The following LRRC17 variants were observed in gnomAD, a reference collection of about 807,000 sequenced individuals.
The protein encoded by LRRC17 is leucine rich repeat containing 17, also known as leucine-rich repeat-containing protein 17.
LRRC17 carries 33 observed loss-of-function variants against 41.5 expected under a neutral mutation model. The observed-to-expected ratio is 0.80, with a 90% confidence interval of 0.60 to 1.06. LRRC17 has a LOEUF of 1.06. Among genes scored for constraint, LRRC17 ranks in the 50% least tolerant of loss-of-function variants. The probability of loss-of-function intolerance (pLI) is 0.00; values close to 1 mark genes in which losing one functional copy is unlikely to be tolerated. For synonymous variants in LRRC17, 192 were observed against 197.0 expected (o/e 0.97, Z 0.21); for missense variants, 491 against 519.3 (o/e 0.95, Z 0.53).
At position 102,921,958 on chromosome 7, in the gene LRRC17, A is replaced by G. The variant is rs145253018; in HGVS notation, c.-141+8813A>G. On this transcript the variant is annotated intron_variant, in intron 1 of 3. Transcript: ENST00000339431. The stretch of plus-strand genomic sequence containing the variant: ...GTAATCCCAGCACTTTGGGAGGCCA[A>G]GGTGGGTGGATCACTTGAGGTCAAG... 3.7e-3 allele frequency among the ~76,000 whole-genome samples: 566 copies of G among 152,264 alleles called. 5 individuals carry two copies. The highest frequency in any genetic ancestry group is 0.013 in the African/African-American group (559 of 41,552).
chr7:102,931,256 A>G (rs562665165), intron 1 of LRRC17, among the ~76,000 whole-genome samples: 42 of 152,376 alleles, frequency 2.8e-4, no homozygotes, highest in Non-Finnish European at 5.4e-4. Flanking sequence ...GTGTGTACAC[A>G]GAAACTGAAA....
chr7:102,929,016 C>A (rs1334816157), intron 1 of LRRC17, among the ~76,000 whole-genome samples: 1 of 152,142 alleles, frequency 6.6e-6, no homozygotes, highest in African/African-American at 2.4e-5. Context: ...AAAGTACAAG[C>A]CACTGAGAAG....
rs1185837608 is a variant in LRRC17, at chr7:102,933,885, G to T, written c.-29G>T. ...ACTTTCATTGTTCCGTCTGTAACACGAAGTAATTGGGGCCAGCTGGATGTC... is the reference window on the plus strand; with the variant it reads ...ACTTTCATTGTTCCGTCTGTAACACTAAGTAATTGGGGCCAGCTGGATGTC... On this transcript the variant is annotated 5_prime_UTR_variant, in exon 2 of 4. Transcript: ENST00000339431. 2 of 1,563,524 alleles carry T rather than the reference G, an allele frequency of 1.3e-6. No homozygotes were observed. The highest frequency in any genetic ancestry group is 2.7e-5 in the African/African-American group (2 of 73,686).
At chr7:102,942,754 G>GT (rs1821719104) in intron 3 of LRRC17, among the ~76,000 whole-genome samples, 1 of 152,044 alleles carries the variant, frequency 6.6e-6, no homozygotes, top group South Asian at 2.1e-4. Flanking sequence ...GGAATTATGG[G>GT]TTTTTTCTGA....
At chr7:102,931,847 A>G (rs773217029) in intron 1 of LRRC17, 1 of 1,603,132 alleles carries the variant, frequency 6.2e-7, no homozygotes, top group Non-Finnish European at 8.5e-7. Flanking sequence ...GTCAATCTAT[A>G]TAAACAGCAG....
intron 1 of LRRC17, among the ~76,000 whole-genome samples, chr7:102,926,063 T>C (rs1168724252): frequency 2.6e-5 from 4 of 152,002 alleles, no homozygotes; most frequent in East Asian, 1.9e-4. Flanking sequence ...ACTGGGCACA[T>C]TGCTGTAAGA....
intron 2 of LRRC17, among the ~76,000 whole-genome samples, chr7:102,935,368 C>T (rs1186682375): frequency 6.6e-6 from 1 of 150,876 alleles, no homozygotes; most frequent in Non-Finnish European, 1.5e-5. Context: ...TCTCCTGCCT[C>T]AGCCTCTCGA....
Position 102,934,171 on chromosome 7 carries a change from G to A in LRRC17, c.258G>A (p.Met86Ile), listed in dbSNP as rs147093737. The change falls in exon 2 of 4, where the codon ATG becomes ATA. Residue 86 changes from methionine (M) to isoleucine (I), a missense_variant. Coordinates refer to ENST00000339431, the MANE Select transcript of LRRC17 (RefSeq NM_001031692.3). The part of the protein sequence containing the change: ...LPGWPQDLLH[M>I]LLARNKIRTL... ...GTTGGCCTCAGGATTTGCTGCACAT[G>A]CTGCTAGCAAGAAACAAGATCCGCA... The A allele has an allele frequency of 4.3e-4, 691 of 1,614,236 alleles. 5 individuals are homozygous for A. The African/African-American group carries it at 8.0e-3, about 19-fold the overall frequency.
chr7:102,926,380 T>A, intron 1 of LRRC17: 1 of 1,609,834 alleles, frequency 6.2e-7, no homozygotes, highest in Non-Finnish European at 8.5e-7. Flanking sequence ...TCATCCTGCA[T>A]GAAAAACAGA....
chr7:102,921,580 T>C (rs759509331), intron 1 of LRRC17, among the ~76,000 whole-genome samples: 2 of 151,914 alleles, frequency 1.3e-5, no homozygotes, highest in Non-Finnish European at 2.9e-5. Flanking sequence ...CTTGGGAGGC[T>C]GAGGCAGGAA....
In LRRC17 at chr7:102,934,312, C is replaced by G. The variant is rs1274411474; in HGVS notation, c.399C>G (p.Thr133=). 5 of 1,614,074 alleles carry G rather than the reference C, an allele frequency of 3.1e-6. No individual in the cohort carries two copies. Among genetic ancestry groups the G allele is most frequent in the Non-Finnish European group, 4.2e-6 (5 of 1,180,004 alleles). ...TCTTTGGTTTAAACAAACTCACCAC[C>G]CTCTTACTGCAGCACAACCAGATCA... ...EAFFGLNKLT[T]LLLQHNQIKV... Residue 133 remains threonine (T), a synonymous_variant, in exon 2 of 4, where the codon ACC becomes ACG. Coordinates refer to ENST00000339431, the MANE Select transcript of LRRC17 (RefSeq NM_001031692.3).
At chr7:102,913,951 C>T (rs1198178469) in intron 1 of LRRC17, among the ~76,000 whole-genome samples, 3 of 152,142 alleles carry the variant, frequency 2.0e-5, no homozygotes, top group Non-Finnish European at 2.9e-5. Flanking sequence ...ACCACAATGA[C>T]CAAAATGACA....
At chr7:102,941,949 C>A (rs1821543538) in intron 3 of LRRC17, among the ~76,000 whole-genome samples, 1 of 152,104 alleles carries the variant, frequency 6.6e-6, no homozygotes, top group Non-Finnish European at 1.5e-5. Flanking sequence ...TCACATGTTT[C>A]CCGTAACTGA....
intron 1 of LRRC17, among the ~76,000 whole-genome samples, chr7:102,922,106 C>G (rs1817152138): frequency 6.6e-6 from 1 of 151,834 alleles, no homozygotes; most frequent in African/African-American, 2.4e-5. Context: ...AGGAGACTTG[C>G]TTGAGCCCGC....
intron 1 of LRRC17, among the ~76,000 whole-genome samples, chr7:102,921,007 C>T (rs995549889): frequency 1.3e-5 from 2 of 151,852 alleles, no homozygotes; most frequent in African/African-American, 4.8e-5. Flanking sequence ...CAAATATTAG[C>T]CTGGCGTGGT....
At chr7:102,930,458 T>G (rs1023977480) in intron 1 of LRRC17, among the ~76,000 whole-genome samples, 1 of 152,162 alleles carries the variant, frequency 6.6e-6, no homozygotes, top group African/African-American at 2.4e-5. Context: ...GCCTAATGCC[T>G]CACCTTCTGA....
At chr7:102,913,252 T>A (rs775934779) in intron 1 of LRRC17, 107 bp downstream of exon 1, 1 of 1,610,420 alleles carries the variant, frequency 6.2e-7, no homozygotes, top group Admixed American at 1.7e-5. Context: ...AGTATTATAC[T>A]TCCGTTGTTC....
At chr7:102,914,229 T>C (rs571193078) in intron 1 of LRRC17, among the ~76,000 whole-genome samples, 2 of 152,260 alleles carry the variant, frequency 1.3e-5, no homozygotes, top group East Asian at 1.9e-4. Context: ...CGTGCCAACA[T>C]GTCCAGCTAA....
In LRRC17 at chr7:102,944,440, T is replaced by C. The variant is rs1270007613; in HGVS notation, c.1159T>C (p.Trp387Arg). The C allele has an allele frequency of 7.4e-6, 12 of 1,613,932 alleles. No individual in the cohort carries two copies. The highest frequency in any genetic ancestry group is 2.2e-5 in the East Asian group (1 of 44,878). The change falls in exon 4 of 4, where the codon TGG becomes CGG. Residue 387 changes from tryptophan to arginine, a missense_variant. Trp to Arg is a moderately radical substitution (Grantham distance 101). Transcript: ENST00000339431. Reference protein sequence around the residue: ...ECKTPEEYKGWSVGKYIRSYY... With the variant: ...ECKTPEEYKGRSVGKYIRSYY... ...CAAAACGCCTGAAGAATACAAAGGA[T>C]GGTCTGTGGGAAAATATATTAGAAG...
Sources: allele counts gnomAD v4.1 joint callset (sites outside exome capture counted in the v4.1 genomes callset), GRCh38; gene constraint gnomAD v4.1.1; transcripts MANE v1.5; gene names NCBI Gene and HGNC (gene_info 2026-07-23, HGNC 2026-07-21).